ADAMTS17: variants seen among roughly 807,000 people sequenced by gnomAD.
ADAMTS17 encodes the protein A disintegrin and metalloproteinase with thrombospondin motifs 17.
A neutral mutation model predicts 141.5 loss-of-function variants in ADAMTS17; 113 were observed. The ratio of observed to expected loss-of-function variants is 0.80; its 90% CI spans 0.69 to 0.93. The LOEUF (loss-of-function observed/expected upper bound fraction) is 0.93. Among genes scored for constraint, ADAMTS17 ranks in the 40% least tolerant of loss-of-function variants. The pLI is 0.00. For missense variants in ADAMTS17, 1,659 were observed against 1,517.9 expected, an observed-to-expected ratio of 1.09 and a Z score of -1.54; for synonymous variants, 768 against 630.6, an observed-to-expected ratio of 1.22 and a Z score of -3.27.
At chr15:100,193,619 T>C (rs1407370405) in intron 8 of ADAMTS17, among the ~76,000 whole-genome samples, 1 of 151,034 alleles carries the variant, frequency 6.6e-6, no homozygotes, top group Non-Finnish European at 1.5e-5. Flanking sequence ...TCCCCGAGAG[T>C]GAGCGCATCG....
At chr15:100,286,461 CT>C (rs543966651) in intron 3 of ADAMTS17, among the ~76,000 whole-genome samples, 31 of 152,204 alleles carry the variant, frequency 2.0e-4, no homozygotes, top group Non-Finnish European at 4.0e-4. Context: ...ACACCTCAGC[CT>C]CTCCAGTGCA....
At chr15:100,013,960 C>T (rs2217848) in intron 18 of ADAMTS17, among the ~76,000 whole-genome samples, 84,753 of 151,922 alleles carry the variant, frequency 0.56, 24,484 homozygotes, top group Non-Finnish European at 0.65. Context: ...CAAGGAATGG[C>T]ACCAATTCTT....
chr15:100,267,672 C>T (rs2043764635), intron 4 of ADAMTS17, among the ~76,000 whole-genome samples: 1 of 148,950 alleles, frequency 6.7e-6, no homozygotes, highest in South Asian at 2.1e-4. Flanking sequence ...AGCCCTTGCC[C>T]CCCTCCCTGT....
intron 15 of ADAMTS17, among the ~76,000 whole-genome samples, chr15:100,066,489 T>C (rs1327939465): frequency 1.3e-5 from 2 of 152,186 alleles, no homozygotes; most frequent in Non-Finnish European, 2.9e-5. Flanking sequence ...ATTCTTCTGA[T>C]ATCTTTTTTT....
At chr15:100,252,697 A>T (rs146643328) in intron 7 of ADAMTS17, among the ~76,000 whole-genome samples, 2,096 of 152,244 alleles carry the variant, frequency 0.014, 48 homozygotes, top group African/African-American at 0.047. Context: ...CATCCTTCAC[A>T]CGGCCTTTGT....
At chr15:100,203,576 G>A (rs1442074326) in intron 7 of ADAMTS17, among the ~76,000 whole-genome samples, 1 of 152,128 alleles carries the variant, frequency 6.6e-6, no homozygotes, top group African/African-American at 2.4e-5. Context: ...GTGGTGGCAG[G>A]TGCCTGTAGT....
At chr15:100,101,847 C>T (rs2141049970) in intron 14 of ADAMTS17, among the ~76,000 whole-genome samples, 1 of 152,324 alleles carries the variant, frequency 6.6e-6, no homozygotes, top group East Asian at 1.9e-4. Flanking sequence ...TGCCTCATCC[C>T]ATCTCTTCGG....
chr15:100,249,752 G>A (rs2043096373), intron 7 of ADAMTS17, among the ~76,000 whole-genome samples: 2 of 152,240 alleles, frequency 1.3e-5, no homozygotes, highest in Non-Finnish European at 2.9e-5. Flanking sequence ...GCAGAGGAGA[G>A]TATTTTTACG....
At chr15:100,317,594 C>T (rs534728330) in intron 3 of ADAMTS17, among the ~76,000 whole-genome samples, 11 of 152,214 alleles carry the variant, frequency 7.2e-5, no homozygotes, top group African/African-American at 9.6e-5. Context: ...TCGCAGGGCA[C>T]GCAAGAAACA....
intron 10 of ADAMTS17, among the ~76,000 whole-genome samples, chr15:100,146,151 C>T (rs547470952): frequency 5.9e-5 from 9 of 152,082 alleles, no homozygotes; most frequent in Non-Finnish European, 1.2e-4. Context: ...GCAGCCTGGG[C>T]GACAAGAGTG....
intron 8 of ADAMTS17, among the ~76,000 whole-genome samples, chr15:100,169,405 C>T (rs533626065): frequency 1.3e-5 from 2 of 152,302 alleles, no homozygotes; most frequent in Admixed American, 1.3e-4. Context: ...CACTCATGCC[C>T]ACCAAGTGGG....
rs114683407 is a variant in ADAMTS17 at position 100,010,084 on chromosome 15, C to G, written c.2592-12495G>C. Among the ~76,000 whole-genome samples the G allele has an allele frequency of 7.0e-3, 1,065 of 152,312 alleles. 17 individuals are homozygous for G. Among genetic ancestry groups the G allele is most frequent in the African/African-American group, 0.025 (1,040 of 41,544 alleles). On this transcript the variant is annotated intron_variant, in intron 18 of 21. Coordinates refer to ENST00000268070, the MANE Select transcript of ADAMTS17 (RefSeq NM_139057.4). ...TCTGATGGTTTTATAAAGGGCAGTT[C>G]CCCGGCACATGCCTTCTTGTCTGCC...
intron 12 of ADAMTS17, among the ~76,000 whole-genome samples, chr15:100,120,302 T>C (rs531127819): frequency 2.6e-5 from 4 of 152,294 alleles, no homozygotes; most frequent in Admixed American, 2.6e-4. Flanking sequence ...TTTCAGCCTT[T>C]AGTGTGGTAA....
At chr15:100,179,461 G>T (rs2040449854) in intron 8 of ADAMTS17, among the ~76,000 whole-genome samples, 1 of 152,148 alleles carries the variant, frequency 6.6e-6, no homozygotes, top group Non-Finnish European at 1.5e-5. Context: ...GAACACTTTG[G>T]TTGCTTCCAA....
At chr15:100,330,232 T>C (rs765168857) in intron 3 of ADAMTS17, among the ~76,000 whole-genome samples, 1 of 152,154 alleles carries the variant, frequency 6.6e-6, no homozygotes, top group Non-Finnish European at 1.5e-5. Flanking sequence ...ACCCAAATCA[T>C]ACCCCAGACT....
At chr15:99,979,673 T>C (rs966851932) in intron 20 of ADAMTS17, 12 of 152,204 alleles carry the variant, frequency 7.9e-5, no homozygotes, top group Non-Finnish European at 1.5e-4. Flanking sequence ...AAAGTGGAGC[T>C]GGTGACGATG....
intron 8 of ADAMTS17, among the ~76,000 whole-genome samples, chr15:100,170,044 T>A (rs1056625090): frequency 1.1e-4 from 17 of 151,816 alleles, no homozygotes; most frequent in African/African-American, 3.9e-4. Flanking sequence ...CCTCTGACTT[T>A]CCCACATACA....
intron 8 of ADAMTS17, among the ~76,000 whole-genome samples, chr15:100,193,117 GC>G (rs1418745084): frequency 6.6e-6 from 1 of 152,262 alleles, no homozygotes; most frequent in East Asian, 1.9e-4. Flanking sequence ...AGCCCCACCT[GC>G]CCTCTGGCCT....
intron 15 of ADAMTS17, among the ~76,000 whole-genome samples, chr15:100,095,584 G>A (rs2035707878): frequency 6.6e-6 from 1 of 152,178 alleles, no homozygotes; most frequent in Non-Finnish European, 1.5e-5. Context: ...AAGTTCTCCT[G>A]GTGATGGGGG....
Sources: gnomAD v4.1 joint callset for allele counts (sites outside exome capture counted in the v4.1 genomes callset) on GRCh38, gnomAD v4.1.1 for gene constraint, MANE v1.5 for transcripts, NCBI Gene and HGNC (gene_info 2026-07-23, HGNC 2026-07-21) for gene names.